FHL5: variants seen among roughly 807,000 people sequenced by gnomAD.
FHL5 encodes the protein four and a half LIM domains protein 5.
In FHL5, 33 loss-of-function variants were observed where a neutral mutation model predicts 32.0. The ratio of observed to expected loss-of-function variants is 1.03; its 90% confidence interval spans 0.78 to 1.38. The LOEUF is 1.38. FHL5 is among the 40% of genes most tolerant of loss of function. FHL5 has a pLI of 0.00. For missense variants in FHL5, 336 were observed against 343.9 expected (o/e 0.98, Z 0.18); for synonymous variants, 114 against 113.6 (o/e 1.00, Z -0.02).
intron 4 of FHL5, among the ~76,000 whole-genome samples, chr6:96,606,299 A>T: frequency 6.6e-6 from 1 of 152,018 alleles, no homozygotes; most frequent in East Asian, 1.9e-4. Flanking sequence ...TTAATATTCC[A>T]AACAGCTCAA....
chr6:96,606,928 G>A (rs976197985), intron 4 of FHL5, among the ~76,000 whole-genome samples: 2 of 152,068 alleles, frequency 1.3e-5, no homozygotes, highest in Non-Finnish European at 2.9e-5. Flanking sequence ...CAAGATCATG[G>A]GGGAAGTTCA....
chr6:96,565,139 T>C (rs1027319579), intron 1 of FHL5, among the ~76,000 whole-genome samples: 1 of 152,160 alleles, frequency 6.6e-6, no homozygotes, highest in Non-Finnish European at 1.5e-5. Context: ...GTATTTTATA[T>C]GAACTAGTAA....
chr6:96,608,350 G>A (rs1771327985), intron 4 of FHL5, among the ~76,000 whole-genome samples: 1 of 152,100 alleles, frequency 6.6e-6, no homozygotes, highest in Non-Finnish European at 1.5e-5. Context: ...TTGGGTAGTA[G>A]ACAGATTATG....
At chr6:96,590,721 G>A (rs373485007) in intron 1 of FHL5, among the ~76,000 whole-genome samples, 4 of 151,904 alleles carry the variant, frequency 2.6e-5, no homozygotes, top group South Asian at 2.1e-4. Context: ...TATAGTGTTC[G>A]CTATAGGTTT....
At chr6:96,607,060 A>G (rs981478677) in intron 4 of FHL5, among the ~76,000 whole-genome samples, 1 of 152,152 alleles carries the variant, frequency 6.6e-6, no homozygotes, top group Non-Finnish European at 1.5e-5. Context: ...AGAAAAAAAA[A>G]GTAATATTTT....
Position 96,604,774 on chromosome 6 carries a change from T to C in FHL5, c.184T>C (p.Trp62Arg). Reference protein sequence around the residue: ...SKDLCYKDRHWHEGCFKCTKC... With the variant: ...SKDLCYKDRHRHEGCFKCTKC... Reference sequence around the variant, plus strand: ...GGATCTTTGTTACAAAGACCGGCACTGGCATGAAGGATGCTTCAAGTGCAC... The same window carrying C: ...GGATCTTTGTTACAAAGACCGGCACCGGCATGAAGGATGCTTCAAGTGCAC... The change falls in exon 3 of 6, where the codon TGG becomes CGG. Residue 62 changes from tryptophan (W) to arginine (R), a missense_variant. Coordinates refer to ENST00000450218, the MANE Select transcript of FHL5 (RefSeq NM_001322466.2). The C allele has an allele frequency of 6.2e-7, 1 of 1,612,348 alleles. No homozygotes were observed. Among genetic ancestry groups the C allele is most frequent in the Admixed American group, 1.7e-5 (1 of 59,508 alleles).
At chr6:96,583,643 C>A (rs951799610) in intron 1 of FHL5, among the ~76,000 whole-genome samples, 2 of 152,038 alleles carry the variant, frequency 1.3e-5, no homozygotes, top group South Asian at 4.2e-4. Flanking sequence ...TTAATCTTGT[C>A]AACAGATTAA....
intron 1 of FHL5, among the ~76,000 whole-genome samples, chr6:96,591,353 G>A (rs1770911993): frequency 6.6e-6 from 1 of 152,032 alleles, no homozygotes; most frequent in Admixed American, 6.6e-5. Context: ...CTTTGACACA[G>A]GGTTGTTGTA....
rs776027751 is a variant in FHL5, at chr6:96,603,728, A to C, written c.115A>C (p.Asn39His). 25 of 1,611,568 alleles carry C rather than the reference A, an allele frequency of 1.6e-5. No individual in the cohort carries two copies. The South Asian group carries it at 2.7e-4, about 17-fold the overall frequency. The change falls in exon 2 of 6, where the codon AAC (asparagine) becomes CAC (histidine). Residue 39 changes from asparagine to histidine, a missense_variant. Physicochemically the swap from Asn to His is moderately conservative, Grantham distance 68. Transcript: ENST00000450218. ...CVTCYDRVFS[N>H]YCEECKKPIE... ...TACATGTTATGATCGTGTATTTTCT[A>C]ACTATTGCGAGGAATGCAAAAAACC... is the stretch of plus-strand genomic sequence containing the variant.
intron 3 of FHL5, 58 bp from the exon 4 acceptor site, chr6:96,605,844 C>T (rs1771264292): frequency 1.4e-6 from 2 of 1,449,066 alleles, no homozygotes; most frequent in Non-Finnish European, 1.9e-6. Context: ...TCTGTATTTG[C>T]TTAAAAAATA....
At chr6:96,598,440 G>A (rs1372034858) in intron 1 of FHL5, among the ~76,000 whole-genome samples, 1 of 152,140 alleles carries the variant, frequency 6.6e-6, no homozygotes, top group African/African-American at 2.4e-5. Context: ...CCAAGTTTGG[G>A]AAGGCCAATC....
At chr6:96,564,558 T>G (rs1770313111) in intron 1 of FHL5, among the ~76,000 whole-genome samples, 1 of 152,130 alleles carries the variant, frequency 6.6e-6, no homozygotes, top group African/African-American at 2.4e-5. Context: ...ACCAACATTT[T>G]GAGTAAAGCT....
intron 1 of FHL5, among the ~76,000 whole-genome samples, chr6:96,576,483 G>A (rs916665736): frequency 6.6e-5 from 10 of 152,200 alleles, no homozygotes; most frequent in African/African-American, 2.4e-4. Context: ...ATATTTGAAT[G>A]TCCCTCTCCC....
At chr6:96,599,191 CTTT>C (rs67400814) in intron 1 of FHL5, among the ~76,000 whole-genome samples, 1,292 of 111,524 alleles carry the variant, frequency 0.012, 22 homozygotes, top group African/African-American at 0.036. Flanking sequence ...GAACTTACAT[CTTT>C]TTTTTTTTTT....
intron 1 of FHL5, among the ~76,000 whole-genome samples, chr6:96,598,104 G>T (rs1279807248): frequency 6.6e-6 from 1 of 152,134 alleles, no homozygotes; most frequent in African/African-American, 2.4e-5. Flanking sequence ...ACTGCCCTTT[G>T]CCTGCTTCCA....
intron 1 of FHL5, among the ~76,000 whole-genome samples, chr6:96,570,777 G>C (rs1770458955): frequency 6.6e-6 from 1 of 151,990 alleles, no homozygotes; most frequent in Non-Finnish European, 1.5e-5. Flanking sequence ...CAAGTCTGCT[G>C]CTGAAGCTCT....
chr6:96,592,174 G>C (rs527281799), intron 1 of FHL5, among the ~76,000 whole-genome samples: 2 of 152,198 alleles, frequency 1.3e-5, no homozygotes, highest in Non-Finnish European at 2.9e-5. Context: ...ATAAGCCTGG[G>C]AGCACTATGG....
At chr6:96,596,688 G>T (rs1397783798) in intron 1 of FHL5, among the ~76,000 whole-genome samples, 2 of 151,706 alleles carry the variant, frequency 1.3e-5, no homozygotes, top group African/African-American at 4.8e-5. Context: ...TACCATTGTA[G>T]CTCCTCAACT....
At position 96,610,685 on chromosome 6, in the gene FHL5, C is replaced by G. The variant is rs781040790; in HGVS notation, c.618C>G (p.Asp206Glu). Residue 206 changes from aspartate to glutamate, a missense_variant, in exon 5 of 6, where the codon GAC becomes GAG. Physicochemically the swap from Asp to Glu is conservative, Grantham distance 45. Transcript: ENST00000450218. ...AAGAACAGTTCATGTCCAGAGACGACTATCCATTCTGCGTGGACTGCTACA... is the reference window on the plus strand; with the variant it reads ...AAGAACAGTTCATGTCCAGAGACGAGTATCCATTCTGCGTGGACTGCTACA... Reference protein sequence around the residue: ...LCEEQFMSRDDYPFCVDCYNH... With the variant: ...LCEEQFMSRDEYPFCVDCYNH... 6.2e-7 allele frequency: 1 copy of G among 1,613,616 alleles called. No homozygotes were observed. Among genetic ancestry groups the G allele is most frequent in the Non-Finnish European group, 8.5e-7 (1 of 1,179,634 alleles).
Sources: allele counts gnomAD v4.1 joint callset (sites outside exome capture counted in the v4.1 genomes callset), GRCh38; gene constraint gnomAD v4.1.1; transcripts MANE v1.5; gene names NCBI Gene and HGNC (gene_info 2026-07-23, HGNC 2026-07-21).